Variants in TNFRSF19 observed in about 807,000 individuals in gnomAD.
The protein encoded by TNFRSF19 is TNF receptor superfamily member 19.
A neutral mutation model predicts 46.4 loss-of-function variants in TNFRSF19; 27 were observed. That is an observed-to-expected ratio of 0.58 (90% CI 0.43 to 0.80). TNFRSF19 has a LOEUF of 0.80. TNFRSF19 is among the 30% of genes least tolerant of loss of function. TNFRSF19 has a pLI of 0.00. For synonymous variants in TNFRSF19, 204 were observed against 205.0 expected, an observed-to-expected ratio of 1.00 and a Z score of 0.04; for missense variants, 511 against 530.8, an observed-to-expected ratio of 0.96 and a Z score of 0.37.
At chr13:23,594,081 G>A (rs977913322) in intron 3 of TNFRSF19, 14 of 319,410 alleles carry the variant, frequency 4.4e-5, no homozygotes, top group East Asian at 2.0e-4. Flanking sequence ...CGGATACTAC[G>A]CTTTTCCCAT....
chr13:23,642,183 T>G (rs1883069657), intron 5 of TNFRSF19, among the ~76,000 whole-genome samples: 1 of 152,228 alleles, frequency 6.6e-6, no homozygotes, highest in African/African-American at 2.4e-5. Flanking sequence ...TTAATTCTCC[T>G]TCTTAACTTT....
At chr13:23,584,520 G>A (rs775851479) in intron 1 of TNFRSF19, among the ~76,000 whole-genome samples, 3 of 151,382 alleles carry the variant, frequency 2.0e-5, no homozygotes, top group African/African-American at 7.3e-5. Context: ...ACTACGAATT[G>A]TGCTGCTATA....
chr13:23,601,748 T>C (rs963392452), intron 3 of TNFRSF19, among the ~76,000 whole-genome samples: 9 of 152,166 alleles, frequency 5.9e-5, no homozygotes, highest in Admixed American at 1.3e-4. Context: ...AATTATTTTG[T>C]TGTTATAAGG....
At chr13:23,572,278 T>C (rs1226717398) in intron 1 of TNFRSF19, among the ~76,000 whole-genome samples, 1 of 152,188 alleles carries the variant, frequency 6.6e-6, no homozygotes, top group Non-Finnish European at 1.5e-5. Context: ...GCTTTTTTTT[T>C]CTAAGAGTAC....
chr13:23,618,481 C>T (rs1881450902), intron 4 of TNFRSF19, among the ~76,000 whole-genome samples: 3 of 152,130 alleles, frequency 2.0e-5, no homozygotes, highest in Admixed American at 1.3e-4. Context: ...CCAACAAAAA[C>T]CAGACGGTAA....
At chr13:23,588,053 C>T (rs1286902439) in intron 1 of TNFRSF19, among the ~76,000 whole-genome samples, 1 of 152,142 alleles carries the variant, frequency 6.6e-6, no homozygotes, top group East Asian at 1.9e-4. Context: ...ACATGAAGGA[C>T]AATAGTAGTT....
chr13:23,616,343 A>G lies in TNFRSF19; in HGVS notation c.359+298A>G, dbSNP rs140431930. Among the ~76,000 whole-genome samples, 202 of 152,284 alleles carry G rather than the reference A, an allele frequency of 1.3e-3. 1 individual carries two copies. Among genetic ancestry groups the G allele is most frequent in the African/African-American group, 4.1e-3 (170 of 41,558 alleles). ...AAAGAAAACTTGGACAAATGGACAC[A>G]AAAATGAACAAGCAACCCACAAAAG... is the stretch of plus-strand genomic sequence containing the variant. On this transcript the variant is annotated intron_variant, in intron 4 of 9. Coordinates refer to ENST00000248484, the MANE Select transcript of TNFRSF19 (RefSeq NM_148957.4).
intron 5 of TNFRSF19, among the ~76,000 whole-genome samples, chr13:23,644,388 A>G (rs1466349322): frequency 6.6e-6 from 1 of 152,080 alleles, no homozygotes; most frequent in Non-Finnish European, 1.5e-5. Context: ...TTCTCACAAG[A>G]TCTGATGGTT....
intron 3 of TNFRSF19, among the ~76,000 whole-genome samples, chr13:23,613,049 T>C (rs934062865): frequency 2.6e-5 from 4 of 152,168 alleles, no homozygotes; most frequent in Non-Finnish European, 4.4e-5. Context: ...ATTAAGAAAA[T>C]TATGATTTCT....
At chr13:23,666,458 C>A (rs1029347509) in intron 7 of TNFRSF19, among the ~76,000 whole-genome samples, 1 of 152,168 alleles carries the variant, frequency 6.6e-6, no homozygotes, top group Non-Finnish European at 1.5e-5. Context: ...GACTCGTGGA[C>A]TGTATTCAGT....
At chr13:23,615,525 T>C (rs1012647793) in intron 3 of TNFRSF19, among the ~76,000 whole-genome samples, 1 of 152,204 alleles carries the variant, frequency 6.6e-6, no homozygotes, top group African/African-American at 2.4e-5. Flanking sequence ...TTCCCTGGCG[T>C]TAGCTTCTGA....
intron 2 of TNFRSF19, among the ~76,000 whole-genome samples, chr13:23,591,838 G>GC (rs1485842506): frequency 6.6e-6 from 1 of 150,576 alleles, no homozygotes; most frequent in Non-Finnish European, 1.5e-5. Flanking sequence ...TGATTCTCCT[G>GC]CCTCAGCCCT....
intron 5 of TNFRSF19, among the ~76,000 whole-genome samples, chr13:23,641,090 A>G (rs1023313151): frequency 6.6e-6 from 1 of 152,222 alleles, no homozygotes; most frequent in Non-Finnish European, 1.5e-5. Flanking sequence ...GAATCTTTGT[A>G]CAAAAATTAC....
At chr13:23,576,914 A>G (rs1478185643) in intron 1 of TNFRSF19, among the ~76,000 whole-genome samples, 1 of 152,230 alleles carries the variant, frequency 6.6e-6, no homozygotes, top group Non-Finnish European at 1.5e-5. Flanking sequence ...GCTGGAGTCC[A>G]GAGGTTCAAT....
chr13:23,595,134 A>G (rs1879623132), intron 3 of TNFRSF19, among the ~76,000 whole-genome samples: 1 of 152,242 alleles, frequency 6.6e-6, no homozygotes, highest in African/African-American at 2.4e-5. Flanking sequence ...AAGGTAGATA[A>G]ATCCACAAAG....
At chr13:23,669,913 G>T (rs1435824851) in intron 9 of TNFRSF19, among the ~76,000 whole-genome samples, 1 of 152,152 alleles carries the variant, frequency 6.6e-6, no homozygotes, top group Non-Finnish European at 1.5e-5. Flanking sequence ...GTGTAAAAGG[G>T]CAGAGTCACA....
chr13:23,608,369 A>T (rs1474440287), intron 3 of TNFRSF19, among the ~76,000 whole-genome samples: 1 of 152,264 alleles, frequency 6.6e-6, no homozygotes, highest in African/African-American at 2.4e-5. Flanking sequence ...TAAGCCAGGT[A>T]CTATGTGATC....
intron 5 of TNFRSF19, among the ~76,000 whole-genome samples, chr13:23,650,899 C>T (rs1177837502): frequency 1.3e-5 from 2 of 152,162 alleles, no homozygotes; most frequent in East Asian, 3.8e-4. Context: ...AAGCCTTCTT[C>T]TTTCACATGT....
intron 1 of TNFRSF19, among the ~76,000 whole-genome samples, chr13:23,577,602 A>G (rs1878050003): frequency 6.6e-6 from 1 of 152,210 alleles, no homozygotes; most frequent in South Asian, 2.1e-4. Context: ...ATAGGCTCAG[A>G]ATTGAGGGAA....
Sources: gnomAD v4.1 joint callset for allele counts (sites outside exome capture counted in the v4.1 genomes callset) on GRCh38, gnomAD v4.1.1 for gene constraint, MANE v1.5 for transcripts, NCBI Gene and HGNC (gene_info 2026-07-23, HGNC 2026-07-21) for gene names.